Variants in EXOC5 observed in about 807,000 individuals in gnomAD.
EXOC5 encodes SEC10-like 1.
EXOC5 carries 17 observed loss-of-function variants against 90.8 expected under a neutral mutation model. The ratio of observed to expected loss-of-function variants is 0.19; its 90% confidence interval spans 0.13 to 0.28. The LOEUF (loss-of-function observed/expected upper bound fraction) is 0.28, where lower values mean the gene tolerates loss of function less well. Ranked by LOEUF, EXOC5 falls within the 10% of genes least tolerant of loss-of-function variation. The pLI, the probability that EXOC5 is intolerant of heterozygous loss-of-function variation, is 1.00. For missense variants in EXOC5, 569 were observed against 830.6 expected, an observed-to-expected ratio of 0.69 and a Z score of 3.87; for synonymous variants, 260 against 270.0, an observed-to-expected ratio of 0.96 and a Z score of 0.36.
At position 57,209,678 on chromosome 14, in the gene EXOC5, A is replaced by C. The variant is rs757002266; in HGVS notation, c.1827T>G (p.Arg609=). The change falls in exon 17 of 18, where the codon CGT becomes CGG. Residue 609 remains arginine (R), a synonymous_variant. Transcript: ENST00000621441. ...VDTVLMELGV[R]FHRLIYEHLQ... is the part of the protein sequence containing the mutation. ...GATGCTCATAGATAAGTCGATGAAA[A>C]CGTACTCCAAGTTCCATCAAAACTG... The C allele has an allele frequency of 1.9e-6, 3 of 1,612,626 alleles. No individual in the cohort carries two copies. The East Asian group carries it at 6.7e-5, about 36-fold the overall frequency.
At chr14:57,256,622 A>G (rs1449174103) in intron 1 of EXOC5, among the ~76,000 whole-genome samples, 1 of 152,234 alleles carries the variant, frequency 6.6e-6, no homozygotes, top group Non-Finnish European at 1.5e-5. Context: ...ATAATGTGCC[A>G]TCCAGATTGC....
intron 13 of EXOC5, among the ~76,000 whole-genome samples, chr14:57,220,787 G>A (rs1594653007): frequency 1.3e-5 from 2 of 152,040 alleles, no homozygotes; most frequent in East Asian, 1.9e-4. Flanking sequence ...GTGACAGAGC[G>A]AGATTCTGTC....
intron 1 of EXOC5, among the ~76,000 whole-genome samples, chr14:57,251,188 C>G (rs1456244114): frequency 1.3e-5 from 2 of 152,198 alleles, no homozygotes; most frequent in Non-Finnish European, 2.9e-5. Flanking sequence ...ATAGCAGCTA[C>G]CCAGGTCCCA....
intron 1 of EXOC5, among the ~76,000 whole-genome samples, chr14:57,267,898 TGAAAC>T (rs1330742875): frequency 2.0e-5 from 3 of 152,334 alleles, no homozygotes; most frequent in African/African-American, 7.2e-5. Context: ...ATTATATACA[TGAAAC>T]GAAGTGTTCG....
intron 12 of EXOC5, among the ~76,000 whole-genome samples, chr14:57,226,888 G>A (rs890522854): frequency 6.6e-6 from 1 of 152,030 alleles, no homozygotes; most frequent in African/African-American, 2.4e-5. Flanking sequence ...AACATAGGAG[G>A]AAAACTTTGT....
chr14:57,216,070 A>T (rs1882962284), intron 15 of EXOC5, among the ~76,000 whole-genome samples: 1 of 152,156 alleles, frequency 6.6e-6, no homozygotes, highest in South Asian at 2.1e-4. Flanking sequence ...CATTTACAAT[A>T]GCATGAAAAA....
At chr14:57,229,655 C>T in intron 12 of EXOC5, 79 bp downstream of exon 12, 1 of 1,087,850 alleles carries the variant, frequency 9.2e-7, no homozygotes, top group Non-Finnish European at 1.2e-6. Flanking sequence ...TTTTGGTATC[C>T]TCGGAGGTTC....
intron 7 of EXOC5, among the ~76,000 whole-genome samples, chr14:57,234,511 G>A (rs1215251496): frequency 1.3e-5 from 1 of 74,676 alleles, no homozygotes; most frequent in Non-Finnish European, 2.3e-5. Flanking sequence ...GTATATATAC[G>A]TGTGTGTGTG....
intron 4 of EXOC5, among the ~76,000 whole-genome samples, chr14:57,243,064 C>CATATAT (rs1451017782): frequency 1.3e-5 from 2 of 152,090 alleles, no homozygotes; most frequent in Non-Finnish European, 2.9e-5. Flanking sequence ...CAAAAACATA[C>CATATAT]ACAGTGATAT....
At chr14:57,265,340 T>C (rs955763493) in intron 1 of EXOC5, among the ~76,000 whole-genome samples, 9 of 152,222 alleles carry the variant, frequency 5.9e-5, no homozygotes, top group African/African-American at 2.2e-4. Flanking sequence ...GCGAAGATTC[T>C]TGAAGAATTA....
At chr14:57,221,320 C>T (rs1305754336) in intron 13 of EXOC5, among the ~76,000 whole-genome samples, 1 of 152,118 alleles carries the variant, frequency 6.6e-6, no homozygotes, top group African/African-American at 2.4e-5. Context: ...CAATACATAC[C>T]AGGCCAGATA....
rs1360495205 is a variant in EXOC5, at chr14:57,200,634, T to G, written c.*7975A>C. 2 of 152,038 alleles carry G rather than the reference T, an allele frequency of 1.3e-5. No homozygotes were observed. Among genetic ancestry groups the G allele is most frequent in the African/African-American group, 4.8e-5 (2 of 41,402 alleles). 9.4% of individuals were successfully genotyped at this position (152,038 alleles called of 1,614,324 possible). On this transcript the variant is annotated 3_prime_UTR_variant, in exon 18 of 18. Coordinates refer to ENST00000621441, the MANE Select transcript of EXOC5 (RefSeq NM_006544.4). ...ATAGCAATTACAGTAGCAAGGAGATTGTATAATAGAAAAACATACGGTATG... is the reference window on the plus strand; with the variant it reads ...ATAGCAATTACAGTAGCAAGGAGATGGTATAATAGAAAAACATACGGTATG...
intron 12 of EXOC5, among the ~76,000 whole-genome samples, chr14:57,227,229 GAAAACT>G (rs1883334318): frequency 1.3e-5 from 2 of 152,036 alleles, no homozygotes; most frequent in Non-Finnish European, 2.9e-5. Flanking sequence ...TTAGGAAAAT[GAAAACT>G]AAAACTATAA....
At chr14:57,240,843 T>C (rs543493524) in intron 4 of EXOC5, among the ~76,000 whole-genome samples, 3 of 152,176 alleles carry the variant, frequency 2.0e-5, no homozygotes, top group African/African-American at 7.2e-5. Flanking sequence ...AACATCAATA[T>C]AGATTTTTTT....
At chr14:57,213,107 G>A (rs1375835747) in intron 15 of EXOC5, among the ~76,000 whole-genome samples, 1 of 150,976 alleles carries the variant, frequency 6.6e-6, no homozygotes, top group Non-Finnish European at 1.5e-5. Context: ...AGTGCTGCTA[G>A]GCATGGTGAC....
chr14:57,268,262 C>T, intron 1 of EXOC5: 1 of 384,008 alleles, frequency 2.6e-6, no homozygotes, highest in Middle Eastern at 7.6e-4. Flanking sequence ...GCTCCTGGCT[C>T]TCTTTCCTCG....
intron 15 of EXOC5, among the ~76,000 whole-genome samples, chr14:57,214,751 T>C (rs1437127081): frequency 6.6e-6 from 1 of 152,204 alleles, no homozygotes; most frequent in Non-Finnish European, 1.5e-5. Context: ...AAATGTACTT[T>C]AGGGTATTTC....
At chr14:57,268,336 G>C in intron 1 of EXOC5, 1 of 724,582 alleles carries the variant, frequency 1.4e-6, no homozygotes, top group Non-Finnish European at 2.2e-6. Flanking sequence ...GAACCTTCCA[G>C]ACTTTCCCTC....
chr14:57,235,669 C>T (rs2139641106), intron 7 of EXOC5, 42 bp downstream of exon 7: 1 of 1,002,534 alleles, frequency 1.0e-6, no homozygotes, highest in Non-Finnish European at 1.5e-6. Flanking sequence ...ACGTAATTTC[C>T]ATAGCCTTGA....
Sources: allele counts gnomAD v4.1 joint callset (sites outside exome capture counted in the v4.1 genomes callset), GRCh38; gene constraint gnomAD v4.1.1; transcripts MANE v1.5; gene names NCBI Gene and HGNC (gene_info 2026-07-23, HGNC 2026-07-21).